Variants in SCGB2A2 observed in about 807,000 individuals in gnomAD.
SCGB2A2 encodes mammaglobin-A.
SCGB2A2 carries 11 observed loss-of-function variants against 8.8 expected under a neutral mutation model. The ratio of observed to expected loss-of-function variants is 1.25; its 90% CI spans 0.79 to 2.07. The LOEUF (loss-of-function observed/expected upper bound fraction) is 2.07, where lower values mean the gene tolerates loss of function less well. Ranked by LOEUF, SCGB2A2 falls within the 30% of genes most tolerant of loss-of-function variation. SCGB2A2 has a pLI of 0.00. For missense variants in SCGB2A2, 113 were observed against 109.9 expected (o/e 1.03, Z -0.13); for synonymous variants, 42 against 40.9 (o/e 1.03, Z -0.10).
At position 62,271,928 on chromosome 11, in the gene SCGB2A2, G is replaced by T. The variant is rs1945282249; in HGVS notation, c.243+860G>T. 3 of 971,278 alleles carry T rather than the reference G, an allele frequency of 3.1e-6. No homozygotes were observed. The South Asian group carries it at 1.4e-4, about 46-fold the overall frequency. The allele number at this position is 971,278 out of a possible 1,614,324, so 60.2% of individuals were successfully genotyped here. ...ATGAAACCACCATGGAGGAAGAATT[G>T]CCTCAAACAAAAACCAATAGTTTTG... On this transcript the variant is annotated intron_variant, in intron 2 of 2. Coordinates refer to ENST00000227918, the MANE Select transcript of SCGB2A2 (RefSeq NM_002411.4).
chr11:62,273,085 G>A lies in SCGB2A2; in HGVS notation c.*90G>A. The stretch of plus-strand genomic sequence containing the variant: ...GCAAACCACACCTTCTCTTTCTTAT[G>A]TCTTTTTACTACAAACTACAAGACA... On this transcript the variant is annotated 3_prime_UTR_variant, in exon 3 of 3. Coordinates refer to ENST00000227918, the MANE Select transcript of SCGB2A2 (RefSeq NM_002411.4). 1 of 869,696 alleles carries A rather than the reference G, an allele frequency of 1.1e-6. No homozygotes were observed. The highest frequency in any genetic ancestry group is 1.8e-6 in the Non-Finnish European group (1 of 548,708). The allele number at this position is 869,696 out of a possible 1,614,324, so 53.9% of individuals were successfully genotyped here.
rs1481437378 is a variant in SCGB2A2, at chr11:62,270,977, A to G, written c.152A>G (p.Asp51Gly). ...EYKELLQEFI[D>G]DNATTNAIDE... is the part of the protein sequence containing the mutation. ...AAAGAACTTCTTCAAGAGTTCATAG[A>G]CGACAATGCCACTACAAATGCCATA... Residue 51 changes from aspartate to glycine, a missense_variant, in exon 2 of 3, where the codon GAC becomes GGC. Asp to Gly is a moderately conservative substitution (Grantham distance 94). Transcript: ENST00000227918. The G allele has an allele frequency of 1.9e-6, 3 of 1,614,162 alleles. No homozygotes were observed. The highest frequency in any genetic ancestry group is 2.5e-6 in the Non-Finnish European group (3 of 1,179,958).
chr11:62,270,422 C>A (rs1235522466), intron 1 of SCGB2A2, 151 bp downstream of exon 1: 7 of 727,236 alleles, frequency 9.6e-6, no homozygotes, highest in Non-Finnish European at 1.1e-5. Flanking sequence ...CCAGGCTGGT[C>A]TTGAACTCCT....
chr11:62,271,242 C>T (rs1436575946), intron 2 of SCGB2A2, 174 bp downstream of exon 2: 1 of 1,496,608 alleles, frequency 6.7e-7, no homozygotes, highest in Non-Finnish European at 8.8e-7. Context: ...CATCCAGTGT[C>T]CCTGTGTTGT....
intron 2 of SCGB2A2, chr11:62,271,356 T>G: frequency 7.0e-7 from 1 of 1,436,376 alleles, no homozygotes; most frequent in Non-Finnish European, 9.1e-7. Flanking sequence ...CTCTAATTCA[T>G]GCTCACAAAC....
chr11:62,272,042 TAAAA>T (rs71053028), intron 2 of SCGB2A2: 7,075 of 214,552 alleles, frequency 0.033, 3 homozygotes, highest in Middle Eastern at 0.05. Context: ...CCTTCCCTGG[TAAAA>T]AAAAAAAAAA....
At chr11:62,271,560 CACAG>C in intron 2 of SCGB2A2, 2 of 1,091,200 alleles carry the variant, frequency 1.8e-6, no homozygotes, top group Non-Finnish European at 2.2e-6. Flanking sequence ...AACACAAACA[CACAG>C]ACAGAACCAC....
rs149252299 is a variant in SCGB2A2 at position 62,271,379 on chromosome 11, A to G, written c.243+311A>G. The G allele has an allele frequency of 2.3e-4, 325 of 1,432,938 alleles. No homozygotes were observed. In the African/African-American group the frequency reaches 3.5e-3, roughly 15 times the overall value. 88.8% of individuals were successfully genotyped at this position (1,432,938 alleles called of 1,614,324 possible). A position where few individuals can be genotyped will look rare whatever the true frequency, so the allele number is the denominator to read the frequency against. On this transcript the variant is annotated intron_variant, in intron 2 of 2. Coordinates refer to ENST00000227918, the MANE Select transcript of SCGB2A2 (RefSeq NM_002411.4). Reference sequence around the variant, plus strand: ...CATGCTCACAAACACAGACACAATCACACAAACACAGAAACACACATACAC... The same window carrying G: ...CATGCTCACAAACACAGACACAATCGCACAAACACAGAAACACACATACAC...
chr11:62,271,641 T>C, intron 2 of SCGB2A2: 1 of 997,892 alleles, frequency 1.0e-6, no homozygotes, highest in Non-Finnish European at 1.2e-6. Flanking sequence ...ATATGTTCAC[T>C]CTCTACAGAA....
At chr11:62,270,429 TC>T (rs1277824666) in intron 1 of SCGB2A2, among the ~76,000 whole-genome samples, 158 bp downstream of exon 1, 1 of 152,158 alleles carries the variant, frequency 6.6e-6, no homozygotes, top group Non-Finnish European at 1.5e-5. Context: ...GGTCTTGAAC[TC>T]CTGAGCTCAG....
chr11:62,270,708 C>T (rs1055813943), intron 1 of SCGB2A2, among the ~76,000 whole-genome samples, 173 bp from the exon 2 acceptor site: 1 of 152,176 alleles, frequency 6.6e-6, no homozygotes, highest in African/African-American at 2.4e-5. Context: ...GCAGGGCTTA[C>T]AGGAAATCCC....
In SCGB2A2 at chr11:62,270,939, T is replaced by C; in HGVS notation, c.114T>C (p.Ser38=). 2 of 1,614,162 alleles carry C rather than the reference T, an allele frequency of 1.2e-6. No homozygotes were observed. Among genetic ancestry groups the C allele is most frequent in the Non-Finnish European group, 8.5e-7 (1 of 1,180,014 alleles). ...CCAAGACAATCAATCCACAAGTGTC[T>C]AAGACTGAATACAAAGAACTTCTTC... ...VISKTINPQV[S]KTEYKELLQE... The change falls in exon 2 of 3, where the codon TCT becomes TCC. Residue 38 remains serine, a synonymous_variant. Coordinates refer to ENST00000227918, the MANE Select transcript of SCGB2A2 (RefSeq NM_002411.4).
chr11:62,271,148 C>G, intron 2 of SCGB2A2, 80 bp downstream of exon 2: 1 of 1,609,480 alleles, frequency 6.2e-7, no homozygotes, highest in Non-Finnish European at 8.5e-7. Flanking sequence ...ACTGACAATG[C>G]CAAAGCCACT....
chr11:62,271,348 C>T, intron 2 of SCGB2A2: 1 of 1,437,156 alleles, frequency 7.0e-7, no homozygotes, highest in Non-Finnish European at 9.1e-7. Flanking sequence ...CCAGAGCTCT[C>T]TAATTCATGC....
At chr11:62,270,530 T>G (rs1382141524) in intron 1 of SCGB2A2, among the ~76,000 whole-genome samples, 1 of 152,238 alleles carries the variant, frequency 6.6e-6, no homozygotes, top group African/African-American at 2.4e-5. Flanking sequence ...TCTTCTGTGA[T>G]GCTCTGAATG....
At chr11:62,271,858 A>T in intron 2 of SCGB2A2, 1 of 985,516 alleles carries the variant, frequency 1.0e-6, no homozygotes, top group Non-Finnish European at 1.2e-6. Context: ...AGCATAAATG[A>T]TGAGAAACCT....
chr11:62,272,042 T>TTAAAAAAA (rs1252207980), intron 2 of SCGB2A2: 5 of 215,056 alleles, frequency 2.3e-5, no homozygotes, highest in Non-Finnish European at 2.5e-5. Flanking sequence ...CCTTCCCTGG[T>TTAAAAAAA]AAAAAAAAAA....
Position 62,270,174 on chromosome 11 carries a change from T to A in SCGB2A2, c.-43T>A. 1 of 1,607,208 alleles carries A rather than the reference T, an allele frequency of 6.2e-7. No individual in the cohort carries two copies. The highest frequency in any genetic ancestry group is 8.5e-7 in the Non-Finnish European group (1 of 1,174,022). On this transcript the variant is annotated 5_prime_UTR_variant, in exon 1 of 3. Transcript: ENST00000227918. ...CTCACCTCCACAGCGGCTTCCTTGA[T>A]CCTTGCCACCCGCGACTGAACACCG... is the stretch of plus-strand genomic sequence containing the variant.
At position 62,270,981 on chromosome 11, in the gene SCGB2A2, C is replaced by T; in HGVS notation, c.156C>T (p.Asp52=). Residue 52 remains aspartate (D), a synonymous_variant, in exon 2 of 3, where the codon GAC becomes GAT. Coordinates refer to ENST00000227918, the MANE Select transcript of SCGB2A2 (RefSeq NM_002411.4). ...YKELLQEFID[D]NATTNAIDEL... ...AACTTCTTCAAGAGTTCATAGACGA[C>T]AATGCCACTACAAATGCCATAGATG... is the stretch of plus-strand genomic sequence containing the variant. The T allele has an allele frequency of 1.9e-6, 3 of 1,614,100 alleles. No homozygotes were observed. Among genetic ancestry groups the T allele is most frequent in the Non-Finnish European group, 2.5e-6 (3 of 1,179,922 alleles).
Sources: allele counts gnomAD v4.1 joint callset (sites outside exome capture counted in the v4.1 genomes callset), GRCh38; gene constraint gnomAD v4.1.1; transcripts MANE v1.5; gene names NCBI Gene and HGNC (gene_info 2026-07-23, HGNC 2026-07-21).